The following MAP2 variants were observed in gnomAD, a reference collection of about 807,000 sequenced individuals.
The protein encoded by MAP2 is microtubule-associated protein 2.
MAP2 carries 14 observed loss-of-function variants against 137.6 expected under a neutral mutation model. The observed-to-expected ratio is 0.10, with a 90% CI of 0.07 to 0.16. MAP2 has a LOEUF of 0.16. MAP2 is among the 10% of genes least tolerant of loss of function. The pLI, the probability that MAP2 is intolerant of heterozygous loss-of-function variation, is 1.00. For missense variants in MAP2, 2,088 were observed against 2,191.5 expected (o/e 0.95, Z 0.94); for synonymous variants, 786 against 782.3 (o/e 1.00, Z -0.08).
chr2:209,686,789 A>G (rs1191529632), intron 7 of MAP2, among the ~76,000 whole-genome samples: 1 of 152,186 alleles, frequency 6.6e-6, no homozygotes, highest in Non-Finnish European at 1.5e-5. Context: ...AATAAGAAAT[A>G]TGCAATAAGA....
intron 13 of MAP2, chr2:209,723,589 T>C: frequency 6.3e-7 from 1 of 1,586,126 alleles, no homozygotes; most frequent in Admixed American, 1.7e-5. Flanking sequence ...CTCCAATTCC[T>C]TTTAGGTTAG....
At chr2:209,628,867 T>G (rs1039826) in intron 4 of MAP2, among the ~76,000 whole-genome samples, 10,179 of 152,210 alleles carry the variant, frequency 0.067, 816 homozygotes, top group South Asian at 0.23. Flanking sequence ...GATGACTAGG[T>G]ATGCAAGGGT....
chr2:209,650,934 C>A (rs1462207315), intron 4 of MAP2, among the ~76,000 whole-genome samples: 1 of 152,000 alleles, frequency 6.6e-6, no homozygotes, highest in African/African-American at 2.4e-5. Context: ...ATATGGAAAT[C>A]TTAATTAAGC....
intron 2 of MAP2, among the ~76,000 whole-genome samples, chr2:209,534,903 T>C (rs1003660041): frequency 6.6e-6 from 1 of 152,198 alleles, no homozygotes; most frequent in African/African-American, 2.4e-5. Context: ...AACAGCTTTA[T>C]TGGGATATAA....
chr2:209,615,714 A>G (rs1305594067), intron 3 of MAP2, among the ~76,000 whole-genome samples: 1 of 152,198 alleles, frequency 6.6e-6, no homozygotes, highest in Non-Finnish European at 1.5e-5. Context: ...CGAAGACAGT[A>G]AAAAGCCTGA....
In MAP2 at chr2:209,565,956, A is replaced by C. The variant is rs556237576; in HGVS notation, c.-171-14080A>C. 1.6e-4 allele frequency among the ~76,000 whole-genome samples: 25 copies of C among 152,336 alleles called. No individual in the cohort carries two copies. The South Asian group carries it at 5.2e-3, about 32-fold the overall frequency. On this transcript the variant is annotated intron_variant, in intron 2 of 15. Transcript: ENST00000682079. ...TTCTAAGCAAAGATTTTTTTAATAT[A>C]AGTAGCCAAGCATTCAATCTAGGGA... is the stretch of plus-strand genomic sequence containing the variant.
At chr2:209,476,308 T>C (rs1208351901) in intron 1 of MAP2, among the ~76,000 whole-genome samples, 1 of 151,982 alleles carries the variant, frequency 6.6e-6, no homozygotes, top group African/African-American at 2.4e-5. Context: ...AACATCTCAG[T>C]AAACCGACGC....
At chr2:209,640,930 A>G (rs1255426731) in intron 4 of MAP2, among the ~76,000 whole-genome samples, 1 of 79,532 alleles carries the variant, frequency 1.3e-5, no homozygotes, top group Non-Finnish European at 2.8e-5. Context: ...TCCAACTTTT[A>G]GAGTTTTGTT....
intron 1 of MAP2, among the ~76,000 whole-genome samples, chr2:209,441,696 TG>T (rs1697826664): frequency 6.6e-6 from 1 of 151,562 alleles, no homozygotes; most frequent in East Asian, 1.9e-4. Context: ...AGTGAAAGGC[TG>T]GGAGGGAAGT....
intron 2 of MAP2, among the ~76,000 whole-genome samples, chr2:209,572,726 A>T (rs1578659367): frequency 6.6e-6 from 1 of 152,150 alleles, no homozygotes; most frequent in East Asian, 1.9e-4. Flanking sequence ...TTGCTGTCAG[A>T]ATTATTTGCA....
chr2:209,586,547 A>G (rs924823308), intron 3 of MAP2, among the ~76,000 whole-genome samples: 4 of 152,242 alleles, frequency 2.6e-5, no homozygotes, highest in Admixed American at 6.6e-5. Context: ...CCTTCTAGAG[A>G]GTGGAACTAA....
At chr2:209,569,557 G>A in intron 2 of MAP2, among the ~76,000 whole-genome samples, 1 of 151,768 alleles carries the variant, frequency 6.6e-6, no homozygotes, top group East Asian at 1.9e-4. Context: ...ATTGGGAGTA[G>A]GAATTACAGA....
intron 3 of MAP2, among the ~76,000 whole-genome samples, chr2:209,582,028 A>T (rs2153403208): frequency 6.6e-6 from 1 of 152,206 alleles, no homozygotes; most frequent in Non-Finnish European, 1.5e-5. Context: ...TCTAGTCAAT[A>T]TTGTGGTGAG....
At chr2:209,512,385 T>C (rs17317114) in intron 2 of MAP2, among the ~76,000 whole-genome samples, 2 of 151,890 alleles carry the variant, frequency 1.3e-5, no homozygotes, top group African/African-American at 2.4e-5. Flanking sequence ...GTTCCATTGA[T>C]CCTTGAAAAC....
At chr2:209,533,766 AC>A (rs2065506267) in intron 2 of MAP2, among the ~76,000 whole-genome samples, 1 of 152,190 alleles carries the variant, frequency 6.6e-6, no homozygotes, top group Non-Finnish European at 1.5e-5. Context: ...TGTGTTAGGG[AC>A]ATCGATGTGA....
At chr2:209,692,493 T>C (rs1559569284) in intron 7 of MAP2, 132 bp from the exon 8 acceptor site, 4 of 911,850 alleles carry the variant, frequency 4.4e-6, no homozygotes, top group Non-Finnish European at 6.4e-6. Flanking sequence ...TTTACATGGG[T>C]AGCATGCTTG....
At chr2:209,676,300 T>C (rs1476698296) in intron 5 of MAP2, among the ~76,000 whole-genome samples, 1 of 151,898 alleles carries the variant, frequency 6.6e-6, no homozygotes, top group African/African-American at 2.4e-5. Flanking sequence ...AAATATTGCA[T>C]GTTCTCAATT....
chr2:209,680,915 G>C, intron 7 of MAP2, 88 bp downstream of exon 7: 1 of 1,014,170 alleles, frequency 9.9e-7, no homozygotes, highest in Non-Finnish European at 1.5e-6. Context: ...TTTGGTATTG[G>C]TTAGTATGTG....
chr2:209,536,495 G>T (rs1379994823), intron 2 of MAP2, among the ~76,000 whole-genome samples: 6 of 152,148 alleles, frequency 3.9e-5, no homozygotes, highest in Non-Finnish European at 8.8e-5. Flanking sequence ...ACAAAATGTT[G>T]TTTGTTGACC....
Sources: allele counts gnomAD v4.1 joint callset (sites outside exome capture counted in the v4.1 genomes callset), GRCh38; gene constraint gnomAD v4.1.1; transcripts MANE v1.5; gene names NCBI Gene and HGNC (gene_info 2026-07-23, HGNC 2026-07-21).